LAMA1: variants seen among roughly 807,000 people sequenced by gnomAD.
LAMA1 encodes laminin subunit alpha 1.
Under a neutral mutation model 348.7 loss-of-function variants are expected in LAMA1, and 219 were observed. The observed-to-expected ratio is 0.63, with a 90% confidence interval of 0.56 to 0.70. LAMA1 has a LOEUF of 0.70. Ranked by LOEUF, LAMA1 falls within the 30% of genes least tolerant of loss-of-function variation. The pLI, the probability that LAMA1 is intolerant of heterozygous loss-of-function variation, is 0.00. For missense variants in LAMA1, 3,744 were observed against 3,888.0 expected (o/e 0.96, Z 0.99); for synonymous variants, 1,487 against 1,491.0 (o/e 1.00, Z 0.06).
rs546643294 is a variant in LAMA1, at chr18:6,986,985, C to G, written c.5169-638G>C. 1.1e-4 allele frequency among the ~76,000 whole-genome samples: 17 copies of G among 152,280 alleles called. No individual in the cohort carries two copies. The South Asian group carries it at 3.5e-3, about 32-fold the overall frequency. ...TGTTGGCCAGGCTAGTCTCAAACTCCTGACCTCAGGTGACTTGCCCACCTC... is the reference window on the plus strand; with the variant it reads ...TGTTGGCCAGGCTAGTCTCAAACTCGTGACCTCAGGTGACTTGCCCACCTC... On this transcript the variant is annotated intron_variant, in intron 36 of 62. Coordinates refer to ENST00000389658, the MANE Select transcript of LAMA1 (RefSeq NM_005559.4).
In LAMA1 at chr18:6,986,103, T is replaced by G. The variant is rs1162682524; in HGVS notation, c.5379+34A>C. 1.9e-6 allele frequency: 3 copies of G among 1,610,512 alleles called. No homozygotes were observed. The African/African-American group carries it at 4.0e-5, about 22-fold the overall frequency. On this transcript the variant is annotated intron_variant, in intron 37 of 62. Coordinates refer to ENST00000389658, the MANE Select transcript of LAMA1 (RefSeq NM_005559.4). ...TACGTTGGAGTATTTTGTTACCTGT[T>G]CTAATTGAGAAGGAGAGAGCAAGTG...
At chr18:7,062,595 A>G (rs2058106722) in intron 3 of LAMA1, among the ~76,000 whole-genome samples, 1 of 152,156 alleles carries the variant, frequency 6.6e-6, no homozygotes, top group African/African-American at 2.4e-5. Context: ...TGACTTTGTA[A>G]ACACCAAGAG....
chr18:6,986,071 A>T, intron 37 of LAMA1, 66 bp downstream of exon 37: 1 of 1,577,132 alleles, frequency 6.3e-7, no homozygotes, highest in Non-Finnish European at 8.7e-7. Flanking sequence ...GCTCACTTTT[A>T]ATTGCTTACG....
intron 30 of LAMA1, 97 bp downstream of exon 30, chr18:7,002,167 C>A: frequency 6.8e-7 from 1 of 1,480,864 alleles, no homozygotes; most frequent in Non-Finnish European, 9.2e-7. Context: ...GGAGAATATT[C>A]ATTAACAACA....
intron 1 of LAMA1, among the ~76,000 whole-genome samples, chr18:7,080,839 G>A (rs750033875): frequency 6.6e-6 from 1 of 151,942 alleles, no homozygotes; most frequent in Non-Finnish European, 1.5e-5. Flanking sequence ...GTATGTGCAC[G>A]TTCTACCTCA....
Position 7,013,894 on chromosome 18 carries a change from C to T in LAMA1, c.3284G>A (p.Arg1095Lys). ...GTTGCAGGCGTCCCCCGACGTCCCCCTCAGGTCACAGTCACAGGGAACACA... is the reference window on the plus strand; with the variant it reads ...GTTGCAGGCGTCCCCCGACGTCCCCTTCAGGTCACAGTCACAGGGAACACA... ...PDCVPCDCDL[R>K]GTSGDACNLE... Residue 1095 changes from arginine (R) to lysine (K), a missense_variant, in exon 23 of 63, where the codon AGG (arginine) becomes AAG (lysine). Physicochemically the swap from Arg to Lys is conservative, Grantham distance 26 (BLOSUM62 2). Transcript: ENST00000389658. 6.2e-7 allele frequency: 1 copy of T among 1,613,430 alleles called. No individual in the cohort carries two copies. Among genetic ancestry groups the T allele is most frequent in the Non-Finnish European group, 8.5e-7 (1 of 1,179,628 alleles).
intron 57 of LAMA1, 94 bp from the exon 58 acceptor site, chr18:6,951,065 A>G: frequency 5.6e-6 from 6 of 1,067,816 alleles, no homozygotes; most frequent in Non-Finnish European, 5.6e-6. Context: ...TTCAGCGTTT[A>G]CATTGAACAT....
In LAMA1 at chr18:6,956,680, C is replaced by T. The variant is rs748958216; in HGVS notation, c.8050G>A (p.Asp2684Asn). Residue 2684 changes from aspartate (D) to asparagine (N), a missense_variant, in exon 56 of 63, where the codon GAT becomes AAT. Physicochemically the swap from Asp to Asn is conservative, Grantham distance 23. Coordinates refer to ENST00000389658, the MANE Select transcript of LAMA1 (RefSeq NM_005559.4). ...GGCAAGAGCTTGCTGTCCTCTGCATCGGGAGCCAGCTTAGGCCTTTCTGAC... is the reference window on the plus strand; with the variant it reads ...GGCAAGAGCTTGCTGTCCTCTGCATTGGGAGCCAGCTTAGGCCTTTCTGAC... ...WLSERPKLAP[D>N]AEDSKLLPEP... 8.7e-6 allele frequency: 14 copies of T among 1,614,068 alleles called. No homozygotes were observed. Among genetic ancestry groups the T allele is most frequent in the Middle Eastern group, 1.6e-4 (1 of 6,084 alleles).
chr18:6,969,221 C>T (rs963707719), intron 48 of LAMA1, among the ~76,000 whole-genome samples: 3 of 152,098 alleles, frequency 2.0e-5, no homozygotes, highest in Non-Finnish European at 4.4e-5. Context: ...CCTACCTCAG[C>T]CTCCGGAGTA....
chr18:6,948,869 C>T (rs1010856071), intron 59 of LAMA1, among the ~76,000 whole-genome samples: 1 of 152,088 alleles, frequency 6.6e-6, no homozygotes. Context: ...GCTGTGGCCA[C>T]GTGGCTGCGG....
At position 7,023,302 on chromosome 18, in the gene LAMA1, C is replaced by T. The variant is rs777399257; in HGVS notation, c.2563G>A (p.Val855Met). 8.1e-6 allele frequency: 13 copies of T among 1,614,184 alleles called. No homozygotes were observed. Among genetic ancestry groups the T allele is most frequent in the South Asian group, 5.5e-5 (5 of 91,074 alleles). Residue 855 changes from valine to methionine, a missense_variant, in exon 19 of 63, where the codon GTG becomes ATG. Transcript: ENST00000389658. ...CAGTGACCAGCCTCCGAGGGGTCCA[C>T]GTTGCCGCTGCAGTCACAGGGAACA... ...SCVPCDCSGN[V>M]DPSEAGHCDS...
rs901985590 is a variant in LAMA1, at chr18:6,976,181, C to T, written c.6346-101G>A. 5.2e-6 allele frequency: 6 copies of T among 1,156,764 alleles called. No homozygotes were observed. The African/African-American group carries it at 6.0e-5, about 12-fold the overall frequency. The allele number at this position is 1,156,764 out of a possible 1,614,324, so 71.7% of individuals were successfully genotyped here. On this transcript the variant is annotated intron_variant, in intron 44 of 62. Transcript: ENST00000389658. Reference sequence around the variant, plus strand: ...ATTCTGTAATGAATTTTCACTGAGGCAGGTTTCCTCTCTTGATAACATACA... The same window carrying T: ...ATTCTGTAATGAATTTTCACTGAGGTAGGTTTCCTCTCTTGATAACATACA...
chr18:7,074,363 T>C (rs895869738), intron 3 of LAMA1, among the ~76,000 whole-genome samples: 3 of 152,216 alleles, frequency 2.0e-5, no homozygotes, highest in African/African-American at 7.2e-5. Context: ...ACTTTTAAAA[T>C]AGTGGTTCTC....
intron 60 of LAMA1, among the ~76,000 whole-genome samples, chr18:6,948,045 C>T (rs754046838): frequency 6.2e-4 from 94 of 152,296 alleles, no homozygotes; most frequent in Non-Finnish European, 1.2e-3. Context: ...GCCTCCCTGG[C>T]GCCAGCTGGT....
At chr18:7,048,992 CA>C in intron 5 of LAMA1, 85 bp downstream of exon 5, 2 of 1,365,974 alleles carry the variant, frequency 1.5e-6, no homozygotes, top group Non-Finnish European at 2.0e-6. Flanking sequence ...AAAGAACAAC[CA>C]AAAAGGAAAG....
intron 48 of LAMA1, among the ~76,000 whole-genome samples, chr18:6,969,121 G>A (rs538094224): frequency 6.6e-6 from 1 of 152,070 alleles, no homozygotes; most frequent in Non-Finnish European, 1.5e-5. Context: ...TGTTTTACGA[G>A]GCAGATGCAA....
chr18:6,955,404 G>A lies in LAMA1; in HGVS notation c.8156C>T (p.Thr2719Ile), dbSNP rs2057570862. 1.2e-6 allele frequency: 2 copies of A among 1,614,038 alleles called. No homozygotes were observed. The highest frequency in any genetic ancestry group is 2.7e-5 in the African/African-American group (2 of 74,914). Residue 2719 changes from threonine to isoleucine, a missense_variant, in exon 57 of 63, where the codon ACA (threonine) becomes ATA (isoleucine). By Grantham distance (89) the Thr-to-Ile change is moderately conservative. This residue lies in a region of LAMA1 where 1,983 missense variants were observed against 1,934.3 expected (regional missense o/e 1.03). Transcript: ENST00000389658. The part of the protein sequence containing the change: ...YVPGAHQFGL[T>I]QNSHFILPFN... ...AGGCAAGATGAAATGGCTGTTTTGT[G>A]TGAGACCAAACTGGTGAGCGCCGGG...
chr18:6,999,278 G>A (rs1407984745), intron 32 of LAMA1, among the ~76,000 whole-genome samples, 167 bp downstream of exon 32: 1 of 152,080 alleles, frequency 6.6e-6, no homozygotes, highest in Non-Finnish European at 1.5e-5. Flanking sequence ...CATGATGAAA[G>A]GTTCAGTTCA....
intron 19 of LAMA1, among the ~76,000 whole-genome samples, chr18:7,021,833 AATAAT>A (rs2057918112): frequency 1.5e-5 from 1 of 65,930 alleles, no homozygotes; most frequent in African/African-American, 8.1e-5. Flanking sequence ...TATATAATAT[AATAAT>A]ATATTATATT....
Sources: allele counts gnomAD v4.1 joint callset (sites outside exome capture counted in the v4.1 genomes callset), GRCh38; gene constraint gnomAD v4.1.1; regional missense constraint gnomAD v4.1.1; transcripts MANE v1.5; gene names NCBI Gene and HGNC (gene_info 2026-07-23, HGNC 2026-07-21).